The following GRIA4 variants were observed in gnomAD, a reference collection of about 807,000 sequenced individuals.
GRIA4 encodes glutamate receptor 4.
GRIA4 carries 34 observed loss-of-function variants against 104.0 expected under a neutral mutation model. The ratio of observed to expected loss-of-function variants is 0.33; its 90% CI spans 0.25 to 0.44. GRIA4 has a LOEUF of 0.44. GRIA4 is among the 20% of genes least tolerant of loss of function. GRIA4 has a pLI of 1.00. For synonymous variants in GRIA4, 386 were observed against 381.9 expected, an observed-to-expected ratio of 1.01 and a Z score of -0.13; for missense variants, 750 against 1,096.5, an observed-to-expected ratio of 0.68 and a Z score of 4.46.
At chr11:105,755,721 C>T (rs994930324) in intron 4 of GRIA4, among the ~76,000 whole-genome samples, 2 of 152,188 alleles carry the variant, frequency 1.3e-5, no homozygotes, top group Non-Finnish European at 2.9e-5. Flanking sequence ...GTAGTTCTTA[C>T]TAGTGTAGGT....
At chr11:105,805,478 GAAAA>G (rs57123559) in intron 4 of GRIA4, among the ~76,000 whole-genome samples, 17 of 92,478 alleles carry the variant, frequency 1.8e-4, no homozygotes, top group African/African-American at 6.8e-4. Flanking sequence ...AAGAAATCAG[GAAAA>G]AAAAAAAAAA....
intron 4 of GRIA4, among the ~76,000 whole-genome samples, chr11:105,762,591 C>T (rs1018886997): frequency 9.9e-5 from 15 of 152,256 alleles, no homozygotes; most frequent in African/African-American, 3.1e-4. Flanking sequence ...TGTCCCCACC[C>T]AATTCTCACC....
At chr11:105,765,824 G>T (rs897439822) in intron 4 of GRIA4, among the ~76,000 whole-genome samples, 1 of 152,152 alleles carries the variant, frequency 6.6e-6, no homozygotes, top group Non-Finnish European at 1.5e-5. Context: ...TAGCTGGCTA[G>T]CCCCTAACTT....
intron 14 of GRIA4, among the ~76,000 whole-genome samples, chr11:105,957,450 G>A (rs1948620113): frequency 6.6e-6 from 1 of 152,098 alleles, no homozygotes; most frequent in African/African-American, 2.4e-5. Context: ...TGAGGGCTCT[G>A]TTCTGTTCCA....
Position 105,898,434 on chromosome 11 carries a change from G to C in GRIA4, c.885+7G>C, listed in dbSNP as rs1565326160. Reference sequence around the variant, plus strand: ...ATCTGAGACTCCTCCAAAGGTATTTGTTTATTTTTATCTACTGTATTACTG... The same window carrying C: ...ATCTGAGACTCCTCCAAAGGTATTTCTTTATTTTTATCTACTGTATTACTG... On this transcript the variant is annotated splice_region_variant and intron_variant, in intron 7 of 16. Coordinates refer to ENST00000282499, the MANE Select transcript of GRIA4 (RefSeq NM_000829.4). The C allele has an allele frequency of 1.3e-6, 2 of 1,517,302 alleles. No individual in the cohort carries two copies. Among genetic ancestry groups the C allele is most frequent in the East Asian group, 2.3e-5 (1 of 44,086 alleles). The allele number at this position is 1,517,302 out of a possible 1,614,324, so 94.0% of individuals were successfully genotyped here.
intron 3 of GRIA4, among the ~76,000 whole-genome samples, chr11:105,635,099 C>A (rs1565420786): frequency 6.6e-6 from 1 of 152,086 alleles, no homozygotes; most frequent in Non-Finnish European, 1.5e-5. Flanking sequence ...GTTAAAACTA[C>A]AACTTTTCTT....
At chr11:105,784,382 T>G (rs1941864819) in intron 4 of GRIA4, among the ~76,000 whole-genome samples, 1 of 152,240 alleles carries the variant, frequency 6.6e-6, no homozygotes, top group Admixed American at 6.5e-5. Flanking sequence ...ACAGATTTGA[T>G]CAATAGTGAA....
chr11:105,814,792 C>G lies in GRIA4; in HGVS notation c.488-47232C>G, dbSNP rs115180409. ...TCTATTCTCTTACAATCCTGTATAG[C>G]CCTTTCCCTTATTCCTGTCACTATA... On this transcript the variant is annotated intron_variant, in intron 4 of 16. Transcript: ENST00000282499. Among the ~76,000 whole-genome samples the G allele has an allele frequency of 3.3e-3, 508 of 152,226 alleles. 4 individuals are homozygous for G. Among genetic ancestry groups the G allele is most frequent in the African/African-American group, 0.012 (479 of 41,550 alleles).
intron 11 of GRIA4, among the ~76,000 whole-genome samples, chr11:105,923,120 G>A (rs1464440607): frequency 6.6e-6 from 1 of 152,112 alleles, no homozygotes; most frequent in Non-Finnish European, 1.5e-5. Flanking sequence ...AGGAGCCTGA[G>A]GATAGGTAGG....
intron 14 of GRIA4, among the ~76,000 whole-genome samples, chr11:105,935,909 C>G (rs1016835333): frequency 6.6e-6 from 1 of 152,158 alleles, no homozygotes; most frequent in African/African-American, 2.4e-5. Flanking sequence ...TTGGCTTCCC[C>G]CTCTTTTCCT....
At chr11:105,769,343 T>C (rs757802701) in intron 4 of GRIA4, among the ~76,000 whole-genome samples, 6 of 151,838 alleles carry the variant, frequency 4.0e-5, no homozygotes, top group Non-Finnish European at 8.8e-5. Context: ...TCAGAAAGGG[T>C]AATATTTGGG....
chr11:105,791,769 C>T (rs906218395), intron 4 of GRIA4, among the ~76,000 whole-genome samples: 1 of 152,056 alleles, frequency 6.6e-6, no homozygotes, highest in African/African-American at 2.4e-5. Context: ...AAGCACTCAG[C>T]AATATGAATT....
chr11:105,829,827 G>GAAA (rs1943907923), intron 4 of GRIA4, among the ~76,000 whole-genome samples: 1 of 151,832 alleles, frequency 6.6e-6, no homozygotes, highest in Non-Finnish European at 1.5e-5. Flanking sequence ...TAGACTCAAG[G>GAAA]AAAGACAGGC....
intron 15 of GRIA4, 150 bp downstream of exon 15, chr11:105,972,178 G>C (rs1168280330): frequency 4.0e-6 from 2 of 506,120 alleles, no homozygotes; most frequent in African/African-American, 3.9e-5. Context: ...TTCAACCATA[G>C]GGATGGTCTT....
intron 4 of GRIA4, among the ~76,000 whole-genome samples, chr11:105,846,729 A>G (rs1429798743): frequency 6.6e-6 from 1 of 152,196 alleles, no homozygotes; most frequent in Non-Finnish European, 1.5e-5. Context: ...CCAACTCTCC[A>G]AGAAGGATCA....
chr11:105,887,928 T>G (rs1163432465), intron 6 of GRIA4, among the ~76,000 whole-genome samples: 2 of 152,230 alleles, frequency 1.3e-5, no homozygotes, highest in Non-Finnish European at 2.9e-5. Context: ...TAATAGCTTA[T>G]GTTCTCTAAT....
At chr11:105,968,771 T>G (rs1429971757) in intron 14 of GRIA4, among the ~76,000 whole-genome samples, 1 of 152,212 alleles carries the variant, frequency 6.6e-6, no homozygotes, top group African/African-American at 2.4e-5. Flanking sequence ...AAAAATTTAC[T>G]ACTTGACAAT....
Position 105,874,300 on chromosome 11 carries a change from T to C in GRIA4, c.672+12092T>C, listed in dbSNP as rs141005328. On this transcript the variant is annotated intron_variant, in intron 5 of 16. Transcript: ENST00000282499. ...TATATCTGTTTAGGTACCAGTACCA[T>C]GCTGTTTTGTTTACCATAGCTTTGT... 3.0e-4 allele frequency among the ~76,000 whole-genome samples: 46 copies of C among 152,318 alleles called. No individual in the cohort carries two copies. In the East Asian group the frequency reaches 8.7e-3, roughly 29 times the overall value.
intron 3 of GRIA4, among the ~76,000 whole-genome samples, chr11:105,714,930 C>G (rs1389720580): frequency 6.6e-6 from 1 of 152,010 alleles, no homozygotes; most frequent in Non-Finnish European, 1.5e-5. Flanking sequence ...ACAGTCAAAC[C>G]ATCAGCTTTT....
Sources: gnomAD v4.1 joint callset for allele counts (sites outside exome capture counted in the v4.1 genomes callset) on GRCh38, gnomAD v4.1.1 for gene constraint, MANE v1.5 for transcripts, NCBI Gene and HGNC (gene_info 2026-07-23, HGNC 2026-07-21) for gene names.